GTPBP3: variants seen among roughly 807,000 people sequenced by gnomAD.
GTPBP3 encodes 5-taurinomethyluridine-[tRNA] synthase subunit GTPB3, mitochondrial.
Under a neutral mutation model 42.0 loss-of-function variants are expected in GTPBP3, and 35 were observed. That is an observed-to-expected ratio of 0.83 (90% confidence interval 0.64 to 1.10). The LOEUF (loss-of-function observed/expected upper bound fraction) is 1.10. Among genes scored for constraint, GTPBP3 ranks in the 50% least tolerant of loss-of-function variants. GTPBP3 has a pLI of 0.00. For missense variants in GTPBP3, 691 were observed against 685.2 expected (o/e 1.01, Z -0.09); for synonymous variants, 332 against 314.9 (o/e 1.05, Z -0.58).
rs1358434242 is a variant in GTPBP3, at chr19:17,341,888, A to G, written c.*185A>G. 1 of 500,570 alleles carries G rather than the reference A, an allele frequency of 2.0e-6. No individual in the cohort carries two copies. Among genetic ancestry groups the G allele is most frequent in the Non-Finnish European group, 3.4e-6 (1 of 291,484 alleles). The allele number at this position is 500,570 out of a possible 1,614,324, so 31.0% of individuals were successfully genotyped here. On this transcript the variant is annotated 3_prime_UTR_variant, in exon 9 of 9. Coordinates refer to ENST00000324894, the MANE Select transcript of GTPBP3 (RefSeq NM_032620.4). ...GACTCCCTGGAGATTCAGGCCCTGG[A>G]ATGGGGCTGAATGGAGGTCCCGTTC...
Position 17,338,573 on chromosome 19 carries a change from C to A in GTPBP3, c.423C>A (p.Gly141=). ...CAGGGCTTCGACCGGCGGAGGCAGGCGAGTTCACCAGACGGGCGTTCGCCA... is the reference window on the plus strand; with the variant it reads ...CAGGGCTTCGACCGGCGGAGGCAGGAGAGTTCACCAGACGGGCGTTCGCCA... The part of the protein sequence containing the change: ...SVPGLRPAEA[G]EFTRRAFANG... The change falls in exon 4 of 9, where the codon GGC becomes GGA. Residue 141 remains glycine (G), a synonymous_variant. Coordinates refer to ENST00000324894, the MANE Select transcript of GTPBP3 (RefSeq NM_032620.4). 1 of 1,613,906 alleles carries A rather than the reference C, an allele frequency of 6.2e-7. No individual in the cohort carries two copies. The highest frequency in any genetic ancestry group is 1.6e-4 in the Middle Eastern group (1 of 6,062).
chr19:17,335,287 T>C (rs922128910), upstream of GTPBP3, among the ~76,000 whole-genome samples: 21 of 152,228 alleles, frequency 1.4e-4, no homozygotes, highest in African/African-American at 3.9e-4. Context: ...CCTCATGCAC[T>C]CTTCGTCCGG....
upstream of GTPBP3, chr19:17,336,623 C>G (rs2074370852): frequency 6.6e-6 from 1 of 152,246 alleles, no homozygotes; most frequent in Non-Finnish European, 1.5e-5. Flanking sequence ...CGCCGCCCGC[C>G]CGCTCTGATC....
chr19:17,338,889 A>G, intron 4 of GTPBP3, 65 bp from the exon 5 acceptor site: 1 of 1,547,754 alleles, frequency 6.5e-7, no homozygotes, highest in Non-Finnish European at 8.7e-7. Context: ...CGGGCTGGAC[A>G]AATTGGGTGT....
At position 17,339,028 on chromosome 19, in the gene GTPBP3, T is replaced by C; in HGVS notation, c.664+2T>C. On this transcript the variant is annotated splice_donor_variant, in intron 5 of 8. Coordinates refer to ENST00000324894, the MANE Select transcript of GTPBP3 (RefSeq NM_032620.4). LOFTEE classifies it high-confidence loss of function. Reference sequence around the variant, plus strand: ...TGGAGGAGGGGGTCCTGGAGCAAGGTGGGTCTACCTGGTGGTGGGGGAGGA... The same window carrying C: ...TGGAGGAGGGGGTCCTGGAGCAAGGCGGGTCTACCTGGTGGTGGGGGAGGA... 1 of 1,614,026 alleles carries C rather than the reference T, an allele frequency of 6.2e-7. No homozygotes were observed. The highest frequency in any genetic ancestry group is 1.3e-5 in the African/African-American group (1 of 75,038).
In GTPBP3 at chr19:17,339,231, C is replaced by T. The variant is rs760024091; in HGVS notation, c.773C>T (p.Pro258Leu). Residue 258 changes from proline to leucine, a missense_variant, in exon 6 of 9, where the codon CCC (proline) becomes CTC (leucine). By Grantham distance (98) the Pro-to-Leu change is moderately conservative. Transcript: ENST00000324894. Reference protein sequence around the residue: ...SGVHVVVTGPPNAGKSSLVNL... With the variant: ...SGVHVVVTGPLNAGKSSLVNL... ...GTGCACGTAGTGGTCACTGGACCCCCCAATGCGGGCAAGAGCAGCCTAGTG... is the reference window on the plus strand; with the variant it reads ...GTGCACGTAGTGGTCACTGGACCCCTCAATGCGGGCAAGAGCAGCCTAGTG... The T allele has an allele frequency of 1.2e-6, 2 of 1,611,182 alleles. No homozygotes were observed. Among genetic ancestry groups the T allele is most frequent in the East Asian group, 2.2e-5 (1 of 44,846 alleles).
At position 17,338,406 on chromosome 19, in the gene GTPBP3, G is replaced by C. The variant is rs765462341; in HGVS notation, c.343G>C (p.Val115Leu). Residue 115 changes from valine to leucine, a missense_variant, in exon 3 of 9, where the codon GTG becomes CTG. Coordinates refer to ENST00000324894, the MANE Select transcript of GTPBP3 (RefSeq NM_032620.4). ...CGGTGAGGACTGCGTGGAGTTCCAC[G>C]TGCATGGAGGCCCGGCAGTGGTGAG... Reference protein sequence around the residue: ...FTGEDCVEFHVHGGPAVVSGV... With the variant: ...FTGEDCVEFHLHGGPAVVSGV... 6.2e-7 allele frequency: 1 copy of C among 1,614,152 alleles called. No homozygotes were observed.
In GTPBP3 at chr19:17,341,153, C is replaced by T. The variant is rs144775733; in HGVS notation, c.1084C>T (p.Pro362Ser). ...TVVASVGAQS[P>S]SDSSQRLLLV... is the part of the protein sequence containing the mutation. ...CGTAGCCTCTGTGGGAGCCCAGAGC[C>T]CCAGTGACAGCAGCCAGCGCCTCCT... is the stretch of plus-strand genomic sequence containing the variant. The change falls in exon 8 of 9, where the codon CCC becomes TCC. Residue 362 changes from proline (P) to serine (S), a missense_variant. Transcript: ENST00000324894. The T allele has an allele frequency of 4.1e-4, 662 of 1,613,440 alleles. 1 individual carries two copies. The highest frequency in any genetic ancestry group is 2.5e-3 in the African/African-American group (190 of 75,044).
chr19:17,338,351 G>C lies in GTPBP3; in HGVS notation c.302-14G>C. ...TGGCTGTGCTGTCCTCCTGTCACCTGTCTGTCACATTAGGTCCCCAGAGTT... is the reference window on the plus strand; with the variant it reads ...TGGCTGTGCTGTCCTCCTGTCACCTCTCTGTCACATTAGGTCCCCAGAGTT... On this transcript the variant is annotated splice_polypyrimidine_tract_variant and intron_variant, in intron 2 of 8. Coordinates refer to ENST00000324894, the MANE Select transcript of GTPBP3 (RefSeq NM_032620.4). 6.2e-7 allele frequency: 1 copy of C among 1,613,726 alleles called. No homozygotes were observed.
In GTPBP3 at chr19:17,341,820, A is replaced by C; in HGVS notation, c.*117A>C. 1.1e-6 allele frequency: 1 copy of C among 883,168 alleles called. No homozygotes were observed. Among genetic ancestry groups the C allele is most frequent in the Non-Finnish European group, 1.7e-6 (1 of 582,914 alleles). The allele number at this position is 883,168 out of a possible 1,614,324, so 54.7% of individuals were successfully genotyped here. ...GCCTGGGAAAGAACTTGATTCTCAA[A>C]TAGTGAAGCAACACAGCTGAGAGGT... On this transcript the variant is annotated 3_prime_UTR_variant, in exon 9 of 9. Coordinates refer to ENST00000324894, the MANE Select transcript of GTPBP3 (RefSeq NM_032620.4).
intron 1 of GTPBP3, 28 bp from the exon 2 acceptor site, chr19:17,337,980 C>G (rs2074383516): frequency 3.1e-6 from 5 of 1,593,464 alleles, no homozygotes; most frequent in East Asian, 2.2e-5. Flanking sequence ...CTCCCAGGTG[C>G]GCTGATTCGC....
At chr19:17,339,851 A>G (rs536518877) in intron 7 of GTPBP3, among the ~76,000 whole-genome samples, 1 of 148,562 alleles carries the variant, frequency 6.7e-6, no homozygotes, top group Admixed American at 6.8e-5. Flanking sequence ...GGTTCAAGCA[A>G]GTCTCCTGCC....
intron 4 of GTPBP3, 60 bp downstream of exon 4, chr19:17,338,801 G>A (rs1467944738): frequency 1.3e-6 from 2 of 1,549,666 alleles, no homozygotes; most frequent in South Asian, 1.2e-5. Flanking sequence ...ACCCCTGCAT[G>A]AGACCCCCTC....
At chr19:17,338,852 A>G (rs1388004980) in intron 4 of GTPBP3, 102 bp from the exon 5 acceptor site, 10 of 1,533,516 alleles carry the variant, frequency 6.5e-6, no homozygotes, top group Non-Finnish European at 8.8e-6. Flanking sequence ...CTTCCGGCCT[A>G]TGAGCCGCCA....
At chr19:17,337,416 C>A (rs2145698647), upstream of GTPBP3, 3 of 1,153,008 alleles carry the variant, frequency 2.6e-6, no homozygotes, top group Non-Finnish European at 3.3e-6. Flanking sequence ...TACCGCCTCC[C>A]GCTCCCGCTC....
chr19:17,338,936 C>T lies in GTPBP3; in HGVS notation c.592-18C>T, dbSNP rs1201649616. 6.3e-7 allele frequency: 1 copy of T among 1,579,832 alleles called. No homozygotes were observed. The highest frequency in any genetic ancestry group is 1.2e-5 in the South Asian group (1 of 84,624). On this transcript the variant is annotated intron_variant, in intron 4 of 8. Transcript: ENST00000324894. Reference sequence around the variant, plus strand: ...TTTCTGGGTGCACACACCACCTCTGCTCTCCCTGCCCCGCCAGGCTCTGGC... The same window carrying T: ...TTTCTGGGTGCACACACCACCTCTGTTCTCCCTGCCCCGCCAGGCTCTGGC...
In GTPBP3 at chr19:17,338,087, C is replaced by T. The variant is rs372951195; in HGVS notation, c.133C>T (p.Arg45Cys). 1.8e-5 allele frequency: 29 copies of T among 1,597,484 alleles called. No homozygotes were observed. The African/African-American group carries it at 3.1e-4, about 17-fold the overall frequency. ...TIFALSSGQG[R>C]CGIAVIRTSG... ...CTTCGCGCTAAGCTCTGGCCAAGGC[C>T]GCTGCGGCATCGCAGTGATCCGGAC... Residue 45 changes from arginine (R) to cysteine (C), a missense_variant, in exon 2 of 9, where the codon CGC becomes TGC. By Grantham distance (180) the Arg-to-Cys change is radical. Coordinates refer to ENST00000324894, the MANE Select transcript of GTPBP3 (RefSeq NM_032620.4).
At position 17,338,272 on chromosome 19, in the gene GTPBP3, T is replaced by C. The variant is rs1336300670; in HGVS notation, c.301+17T>C. The C allele has an allele frequency of 6.3e-7, 1 of 1,598,006 alleles. No individual in the cohort carries two copies. Reference sequence around the variant, plus strand: ...GGTTCCCAGGTGAGGGTCCCCAGGTTCCGAGCCTCCTGTAGGTCCCATGAC... The same window carrying C: ...GGTTCCCAGGTGAGGGTCCCCAGGTCCCGAGCCTCCTGTAGGTCCCATGAC... On this transcript the variant is annotated intron_variant, in intron 2 of 8. Transcript: ENST00000324894.
At position 17,341,559 on chromosome 19, in the gene GTPBP3, C is replaced by T. The variant is rs559057888; in HGVS notation, c.1335C>T (p.Leu445=). 4.0e-5 allele frequency: 64 copies of T among 1,613,792 alleles called. No individual in the cohort carries two copies. Among genetic ancestry groups the T allele is most frequent in the Non-Finnish European group, 4.7e-5 (56 of 1,180,014 alleles). The change falls in exon 9 of 9, where the codon CTC becomes CTT. Residue 445 remains leucine (L), a synonymous_variant. Transcript: ENST00000324894. ...QHHLQGCLDA[L]GHYKQSKDLA... ...ACCTCCAGGGTTGCCTGGATGCCCTCGGCCACTACAAGCAGTCAAAAGACC... is the reference window on the plus strand; with the variant it reads ...ACCTCCAGGGTTGCCTGGATGCCCTTGGCCACTACAAGCAGTCAAAAGACC...
Sources: allele counts gnomAD v4.1 joint callset (sites outside exome capture counted in the v4.1 genomes callset), GRCh38; gene constraint gnomAD v4.1.1; transcripts MANE v1.5; gene names NCBI Gene and HGNC (gene_info 2026-07-23, HGNC 2026-07-21).